Variants in SGMS1 observed in about 807,000 individuals in gnomAD.
The protein encoded by SGMS1 is phosphatidylcholine:ceramide cholinephosphotransferase 1.
In SGMS1, 13 loss-of-function variants were observed where a neutral mutation model predicts 46.2. The observed-to-expected ratio is 0.28, with a 90% CI of 0.18 to 0.45. The LOEUF (loss-of-function observed/expected upper bound fraction) is 0.45, where lower values mean the gene tolerates loss of function less well. Ranked by LOEUF, SGMS1 falls within the 20% of genes least tolerant of loss-of-function variation. SGMS1 has a pLI of 1.00. For missense variants in SGMS1, 324 were observed against 519.9 expected (o/e 0.62, Z 3.66); for synonymous variants, 203 against 187.8 (o/e 1.08, Z -0.66).
At chr10:50,386,816 G>C (rs1385040300) in intron 6 of SGMS1, among the ~76,000 whole-genome samples, 1 of 152,178 alleles carries the variant, frequency 6.6e-6, no homozygotes, top group East Asian at 1.9e-4. Context: ...GTCCTGCTCT[G>C]CCTAGCAAGG....
chr10:50,414,233 T>C (rs1849138008), intron 6 of SGMS1, among the ~76,000 whole-genome samples: 1 of 152,176 alleles, frequency 6.6e-6, no homozygotes, highest in South Asian at 2.1e-4. Context: ...CAGTGAGACC[T>C]TGTCTCTGCA....
At chr10:50,495,494 T>C (rs11595661) in intron 3 of SGMS1, among the ~76,000 whole-genome samples, 19,327 of 152,124 alleles carry the variant, frequency 0.13, 1,346 homozygotes, top group Middle Eastern at 0.21. Context: ...ACAATAGATG[T>C]TCAAAATCTA....
chr10:50,366,773 G>A (rs1156826646), intron 6 of SGMS1, among the ~76,000 whole-genome samples: 1 of 152,090 alleles, frequency 6.6e-6, no homozygotes, highest in East Asian at 1.9e-4. Context: ...GACACAGGGA[G>A]GGGAACATCA....
intron 2 of SGMS1, among the ~76,000 whole-genome samples, chr10:50,531,901 G>A (rs1234821878): frequency 6.6e-6 from 1 of 152,196 alleles, no homozygotes; most frequent in Non-Finnish European, 1.5e-5. Flanking sequence ...AGTTCAGAGA[G>A]AATGGTCAGT....
intron 2 of SGMS1, among the ~76,000 whole-genome samples, chr10:50,553,175 A>G (rs1838162441): frequency 6.6e-6 from 1 of 152,238 alleles, no homozygotes; most frequent in Non-Finnish European, 1.5e-5. Flanking sequence ...ATAAGCTCAC[A>G]ATTAGCCTTA....
chr10:50,403,938 T>G (rs1279723792), intron 6 of SGMS1, among the ~76,000 whole-genome samples: 1 of 151,858 alleles, frequency 6.6e-6, no homozygotes, highest in African/African-American at 2.4e-5. Context: ...AGAACATGTT[T>G]AATATTCCTT....
Position 50,327,265 on chromosome 10 carries a change from AC to A in SGMS1, c.680del (p.Cys227LeufsTer6). On this transcript the variant is annotated frameshift_variant, in exon 8 of 11. Transcript: ENST00000361781. LOFTEE classifies it high-confidence loss of function. ...CIVGTLYLYRCITMYVTTLPV... is the reference protein window; with the variant it reads ...CIVGTLYLYRXITMYVTTLPV... Reference sequence around the variant, plus strand: ...GGAGTGTAGTTACATACATTGTAATACACCGATACAGGTACAGCGTGCCAAC... The same window carrying A: ...GGAGTGTAGTTACATACATTGTAATAACCGATACAGGTACAGCGTGCCAAC... 6.2e-7 allele frequency: 1 copy of A among 1,611,402 alleles called. No individual in the cohort carries two copies. The highest frequency in any genetic ancestry group is 8.5e-7 in the Non-Finnish European group (1 of 1,178,686).
At chr10:50,401,183 A>T (rs1848935295) in intron 6 of SGMS1, among the ~76,000 whole-genome samples, 1 of 152,192 alleles carries the variant, frequency 6.6e-6, no homozygotes, top group Admixed American at 6.5e-5. Flanking sequence ...GAAAAACAGC[A>T]AGTTCTAAAC....
chr10:50,560,584 TA>T (rs1199229216), intron 2 of SGMS1, among the ~76,000 whole-genome samples: 1 of 146,120 alleles, frequency 6.8e-6, no homozygotes, highest in African/African-American at 2.5e-5. Flanking sequence ...ATAATACAAA[TA>T]TACATAATAT....
chr10:50,506,595 G>T (rs1837708886), intron 3 of SGMS1, among the ~76,000 whole-genome samples: 1 of 152,156 alleles, frequency 6.6e-6, no homozygotes, highest in Non-Finnish European at 1.5e-5. Flanking sequence ...AAAAGGGAAG[G>T]CAGCAAAGCA....
At chr10:50,605,287 G>A (rs1348178165) in intron 1 of SGMS1, among the ~76,000 whole-genome samples, 2 of 152,168 alleles carry the variant, frequency 1.3e-5, no homozygotes, top group African/African-American at 4.8e-5. Context: ...CAGAACCTCA[G>A]CCCCACTTCC....
intron 6 of SGMS1, among the ~76,000 whole-genome samples, chr10:50,366,423 C>A (rs1484728444): frequency 2.0e-5 from 3 of 152,100 alleles, no homozygotes; most frequent in Non-Finnish European, 4.4e-5. Flanking sequence ...ACTAGAAATG[C>A]CATTTGACCC....
chr10:50,390,530 T>C (rs1280506685), intron 6 of SGMS1, among the ~76,000 whole-genome samples: 1 of 152,076 alleles, frequency 6.6e-6, no homozygotes, highest in Non-Finnish European at 1.5e-5. Context: ...CCTAGCTCTG[T>C]GGAAGGCTGG....
rs568298482 is a variant in SGMS1, at chr10:50,534,308, G to C, written c.-588-14387C>G. On this transcript the variant is annotated intron_variant, in intron 2 of 10. Coordinates refer to ENST00000361781, the MANE Select transcript of SGMS1 (RefSeq NM_147156.4). ...ATAACTAAAAAGAAGTTAAAATATA[G>C]TACTGGGCACATTAAAAATAATGTA... Among the ~76,000 whole-genome samples, 61 of 152,244 alleles carry C rather than the reference G, an allele frequency of 4.0e-4. No individual in the cohort carries two copies. The South Asian group carries it at 0.011, about 27-fold the overall frequency.
At chr10:50,625,037 G>C, upstream of SGMS1, 1 of 1,002,312 alleles carries the variant, frequency 1.0e-6, no homozygotes, top group Non-Finnish European at 1.2e-6. Flanking sequence ...CCCTCCCATC[G>C]GGCTTTGGGC....
chr10:50,474,883 C>T (rs941070812), intron 3 of SGMS1, among the ~76,000 whole-genome samples: 3 of 151,962 alleles, frequency 2.0e-5, no homozygotes, highest in Admixed American at 6.6e-5. Context: ...GAGCAGGGGG[C>T]ATGATAACAA....
intron 2 of SGMS1, among the ~76,000 whole-genome samples, chr10:50,567,266 G>A (rs1838296937): frequency 6.6e-6 from 1 of 152,044 alleles, no homozygotes; most frequent in African/African-American, 2.4e-5. Context: ...TTTTATTGTG[G>A]TATTGCTATC....
intron 2 of SGMS1, among the ~76,000 whole-genome samples, chr10:50,521,757 C>T (rs150378837): frequency 5.6e-4 from 85 of 152,216 alleles, no homozygotes; most frequent in Middle Eastern, 3.4e-3. Flanking sequence ...GTGTAGTTTT[C>T]TGCATTCTCA....
chr10:50,361,150 G>C (rs193084811), intron 6 of SGMS1, among the ~76,000 whole-genome samples: 48 of 152,326 alleles, frequency 3.2e-4, no homozygotes, highest in Middle Eastern at 3.4e-3. Flanking sequence ...ATCTATGGGA[G>C]AAAAAGTTCT....
Sources: gnomAD v4.1 joint callset for allele counts (sites outside exome capture counted in the v4.1 genomes callset) on GRCh38, gnomAD v4.1.1 for gene constraint, MANE v1.5 for transcripts, NCBI Gene and HGNC (gene_info 2026-07-23, HGNC 2026-07-21) for gene names.